The following ABCC2 variants were observed in gnomAD, a reference collection of about 807,000 sequenced individuals.
ABCC2 encodes ATP binding cassette subfamily C member 2.
Under a neutral mutation model 173.4 loss-of-function variants are expected in ABCC2, and 157 were observed. The ratio of observed to expected loss-of-function variants is 0.91; its 90% CI spans 0.80 to 1.03. ABCC2 has a LOEUF of 1.03. ABCC2 is among the 50% of genes least tolerant of loss of function. The pLI, the probability that ABCC2 is intolerant of heterozygous loss-of-function variation, is 0.00. For synonymous variants in ABCC2, 657 were observed against 693.5 expected (o/e 0.95, Z 0.83); for missense variants, 1,822 against 1,852.3 (o/e 0.98, Z 0.30).
intron 25 of ABCC2, 136 bp downstream of exon 25, chr10:99,836,426 G>A: frequency 1.0e-6 from 1 of 956,936 alleles, no homozygotes; most frequent in Non-Finnish European, 1.6e-6. Flanking sequence ...TATGTAAGTG[G>A]AGAGAAGAAA....
Position 99,845,781 on chromosome 10 carries a change from A to C in ABCC2, c.4145A>C (p.Gln1382Pro). 1 of 1,610,188 alleles carries C rather than the reference A, an allele frequency of 6.2e-7. No homozygotes were observed. The highest frequency in any genetic ancestry group is 8.5e-7 in the Non-Finnish European group (1 of 1,178,864). ...DLREKLTIIPQDPILFSGSLR... is the reference protein window; with the variant it reads ...DLREKLTIIPPDPILFSGSLR... ...CGAGAGAAGCTGACCATCATCCCCC[A>C]GGTGAGCTCTAGAACTTACTCGGGC... The change falls in exon 29 of 32, where the codon CAG becomes CCG. Residue 1382 changes from glutamine to proline, a missense_variant and splice_region_variant. Transcript: ENST00000647814.
At chr10:99,844,875 A>C (rs1054874114) in intron 28 of ABCC2, among the ~76,000 whole-genome samples, 1 of 152,088 alleles carries the variant, frequency 6.6e-6, no homozygotes, top group Non-Finnish European at 1.5e-5. Flanking sequence ...AAAGTCAGGC[A>C]CCCTCCTTAG....
intron 17 of ABCC2, among the ~76,000 whole-genome samples, chr10:99,817,876 C>G (rs1230260651): frequency 6.6e-6 from 1 of 152,130 alleles, no homozygotes; most frequent in Non-Finnish European, 1.5e-5. Context: ...GCTTTGAACA[C>G]TTAGATGTTT....
intron 24 of ABCC2, 129 bp downstream of exon 24, chr10:99,834,664 A>G: frequency 1.7e-6 from 2 of 1,192,828 alleles, no homozygotes; most frequent in South Asian, 2.4e-5. Flanking sequence ...TTTGCCATTT[A>G]GTCATATGTT....
intron 3 of ABCC2, among the ~76,000 whole-genome samples, chr10:99,792,928 G>A (rs1024899523): frequency 1.5e-4 from 23 of 152,244 alleles, no homozygotes; most frequent in African/African-American, 4.6e-4. Flanking sequence ...GCAAACCTAC[G>A]TTCAGGCAGA....
At chr10:99,814,302 CACACATGTATATACACACGTATGTAT>C (rs2038305301) in intron 16 of ABCC2, among the ~76,000 whole-genome samples, 1 of 71,652 alleles carries the variant, frequency 1.4e-5, no homozygotes, top group Non-Finnish European at 2.8e-5. Context: ...CGTATGTATA[CACACATGTATATACACACGTATGTAT>C]ACACACATGT....
At chr10:99,815,969 G>GTT (rs552969751) in intron 16 of ABCC2, among the ~76,000 whole-genome samples, 125 of 135,346 alleles carry the variant, frequency 9.2e-4, no homozygotes, top group African/African-American at 1.4e-3. Flanking sequence ...TTCTGGTCTT[G>GTT]TTTTTTTTTT....
At chr10:99,810,094 A>G (rs2038182605) in intron 13 of ABCC2, 40 bp from the exon 14 acceptor site, 1 of 1,564,544 alleles carries the variant, frequency 6.4e-7, no homozygotes, top group Admixed American at 1.7e-5. Context: ...TGTGCTCGTT[A>G]CTGACTTTAA....
chr10:99,848,393 C>T (rs529406188), intron 30 of ABCC2, among the ~76,000 whole-genome samples: 1 of 152,326 alleles, frequency 6.6e-6, no homozygotes, highest in African/African-American at 2.4e-5. Flanking sequence ...GTTTTTCCTT[C>T]CACACACTGA....
chr10:99,808,110 G>A lies in ABCC2; in HGVS notation c.1696G>A (p.Val566Ile), dbSNP rs145520251. 60 of 1,614,082 alleles carry A rather than the reference G, an allele frequency of 3.7e-5. No individual in the cohort carries two copies. The African/African-American group carries it at 6.5e-4, about 18-fold the overall frequency. Residue 566 changes from valine to isoleucine, a missense_variant, in exon 13 of 32, where the codon GTC becomes ATC. Physicochemically the swap from Val to Ile is conservative, Grantham distance 29. Coordinates refer to ENST00000647814, the MANE Select transcript of ABCC2 (RefSeq NM_000392.5). ...ATCTGTGGTCACATTTTCTGTTTATGTCCTGGTGGATAGCAACAATATTTT... is the reference window on the plus strand; with the variant it reads ...ATCTGTGGTCACATTTTCTGTTTATATCCTGGTGGATAGCAACAATATTTT... Reference protein sequence around the residue: ...LVSVVTFSVYVLVDSNNILDA... With the variant: ...LVSVVTFSVYILVDSNNILDA...
rs764256931 is a variant in ABCC2, at chr10:99,810,221, A to C, written c.1900+3A>C. The C allele has an allele frequency of 1.9e-6, 3 of 1,612,850 alleles. No individual in the cohort carries two copies. In the Admixed American group the frequency reaches 5.0e-5, roughly 27 times the overall value. On this transcript the variant is annotated splice_donor_region_variant and intron_variant, in intron 14 of 31. Coordinates refer to ENST00000647814, the MANE Select transcript of ABCC2 (RefSeq NM_000392.5). Reference sequence around the variant, plus strand: ...CATTCGACATGACTGCAATTTTGGTAAATAAATTTGGAAGTTGCTTCCCAA... The same window carrying C: ...CATTCGACATGACTGCAATTTTGGTCAATAAATTTGGAAGTTGCTTCCCAA...
At chr10:99,820,141 C>T (rs2133083743) in intron 19 of ABCC2, among the ~76,000 whole-genome samples, 1 of 152,308 alleles carries the variant, frequency 6.6e-6, no homozygotes, top group East Asian at 1.9e-4. Flanking sequence ...CCTGTAATCC[C>T]AGCACTTTGG....
intron 25 of ABCC2, 138 bp downstream of exon 25, chr10:99,836,428 G>A: frequency 3.2e-6 from 3 of 948,208 alleles, no homozygotes; most frequent in Non-Finnish European, 4.9e-6. Context: ...TGTAAGTGGA[G>A]AGAAGAAAGC....
At chr10:99,792,949 C>G (rs762987237) in intron 3 of ABCC2, among the ~76,000 whole-genome samples, 1 of 152,210 alleles carries the variant, frequency 6.6e-6, no homozygotes, top group Non-Finnish European at 1.5e-5. Flanking sequence ...GCAATGTCAG[C>G]TGGGCCTCAG....
chr10:99,850,331 C>T (rs923049031), intron 30 of ABCC2, among the ~76,000 whole-genome samples: 1 of 152,204 alleles, frequency 6.6e-6, no homozygotes, highest in Non-Finnish European at 1.5e-5. Context: ...AAGGCACCTT[C>T]CTAGGCTCCT....
chr10:99,801,476 T>C (rs2038015358), intron 9 of ABCC2, among the ~76,000 whole-genome samples: 2 of 152,218 alleles, frequency 1.3e-5, no homozygotes, highest in South Asian at 4.1e-4. Context: ...GACGTCATGA[T>C]CTGCCCACCT....
chr10:99,851,673 T>C lies in ABCC2; in HGVS notation c.*42T>C. The C allele has an allele frequency of 6.4e-7, 1 of 1,553,480 alleles. No homozygotes were observed. Among genetic ancestry groups the C allele is most frequent in the Non-Finnish European group, 8.8e-7 (1 of 1,139,212 alleles). On this transcript the variant is annotated 3_prime_UTR_variant, in exon 32 of 32. Transcript: ENST00000647814. ...TTAGAAAAGGACTATAAGAATAATT[T>C]CTTATTTAATTTTATTTTTTATAAA... is the stretch of plus-strand genomic sequence containing the variant.
rs1196878976 is a variant in ABCC2, at chr10:99,811,715, C to T, written c.1967+113C>T. On this transcript the variant is annotated intron_variant, in intron 15 of 31. Coordinates refer to ENST00000647814, the MANE Select transcript of ABCC2 (RefSeq NM_000392.5). ...GGGAAATGAGCTATGTGCATGTCTT[C>T]GGTTAGATACTAGTGCAGGATAAAC... The T allele has an allele frequency of 5.0e-6, 6 of 1,206,838 alleles. No individual in the cohort carries two copies. The South Asian group carries it at 5.0e-5, about 10-fold the overall frequency. The allele number at this position is 1,206,838 out of a possible 1,614,324, so 74.8% of individuals were successfully genotyped here.
At chr10:99,798,623 A>G (rs1441401313) in intron 7 of ABCC2, among the ~76,000 whole-genome samples, 1 of 151,886 alleles carries the variant, frequency 6.6e-6, no homozygotes, top group Non-Finnish European at 1.5e-5. Context: ...CATCACTCTG[A>G]CCTCTGCCTC....
Sources: allele counts gnomAD v4.1 joint callset (sites outside exome capture counted in the v4.1 genomes callset), GRCh38; gene constraint gnomAD v4.1.1; transcripts MANE v1.5; gene names NCBI Gene and HGNC (gene_info 2026-07-23, HGNC 2026-07-21).